Variants in CDK5R1 observed in about 807,000 individuals in gnomAD.
CDK5R1 encodes cyclin-dependent kinase 5 activator 1.
CDK5R1 carries 1 observed loss-of-function variant against 19.0 expected under a neutral mutation model. That is an observed-to-expected ratio of 0.05 (90% confidence interval 0.02 to 0.25). CDK5R1 has a LOEUF of 0.25. Ranked by LOEUF, CDK5R1 falls within the 10% of genes least tolerant of loss-of-function variation. The pLI is 1.00. For synonymous variants in CDK5R1, 225 were observed against 187.7 expected (o/e 1.20, Z -1.62); for missense variants, 314 against 401.0 (o/e 0.78, Z 1.85).
rs779189969 is a variant in CDK5R1, at chr17:32,487,868, A to G, written c.248A>G (p.Asn83Ser). 22 of 1,613,912 alleles carry G rather than the reference A, an allele frequency of 1.4e-5. No individual in the cohort carries two copies. In the Middle Eastern group the frequency reaches 6.6e-4, roughly 48 times the overall value. The change falls in exon 2 of 2, where the codon AAT (asparagine) becomes AGT (serine). Residue 83 changes from asparagine to serine, a missense_variant. Around this residue, in one of 3 missense-constraint regions of CDK5R1, gnomAD observed 197 missense variants for 230.2 expected, o/e 0.86. Coordinates refer to ENST00000313401, the MANE Select transcript of CDK5R1 (RefSeq NM_003885.3). The surrounding 1 kb of genome is among the most constrained non-coding windows in gnomAD (Gnocchi z 7.9). ...SYQNNITHLN[N>S]ENLKKSLSCA... is the part of the protein sequence containing the mutation. Reference sequence around the variant, plus strand: ...CAGAACAACATCACGCACCTCAACAATGAGAACCTGAAGAAGTCGCTGTCG... The same window carrying G: ...CAGAACAACATCACGCACCTCAACAGTGAGAACCTGAAGAAGTCGCTGTCG...
chr17:32,488,539 C>A lies in CDK5R1; in HGVS notation c.919C>A (p.Arg307=). 1 of 1,614,094 alleles carries A rather than the reference C, an allele frequency of 6.2e-7. No homozygotes were observed. Among genetic ancestry groups the A allele is most frequent in the Non-Finnish European group, 8.5e-7 (1 of 1,180,020 alleles). The change falls in exon 2 of 2, where the codon CGG becomes AGG. Residue 307 remains arginine, a synonymous_variant. Coordinates refer to ENST00000313401, the MANE Select transcript of CDK5R1 (RefSeq NM_003885.3). ...DKKRLLLGLD[R] ...GAAGCGGCTCCTCCTAGGCCTGGATCGGTGAGCACTGTAGCCTGCGTCATG... is the reference window on the plus strand; with the variant it reads ...GAAGCGGCTCCTCCTAGGCCTGGATAGGTGAGCACTGTAGCCTGCGTCATG...
rs1263987608 is a variant in CDK5R1 at position 32,490,118 on chromosome 17, A to C, written c.*1574A>C. The C allele has an allele frequency of 1.2e-5, 2 of 167,136 alleles. No individual in the cohort carries two copies. The highest frequency in any genetic ancestry group is 2.9e-5 in the Non-Finnish European group (2 of 68,138). 10.4% of individuals were successfully genotyped at this position (167,136 alleles called of 1,614,324 possible). A position where few individuals can be genotyped will look rare whatever the true frequency, so the allele number is the denominator to read the frequency against. On this transcript the variant is annotated 3_prime_UTR_variant, in exon 2 of 2. Transcript: ENST00000313401. ...TGGGGAAGAGAGCCTGCCCGGCCGG[A>C]GAACATCTGCCTTGCTGCACCTGAG...
rs1039134075 is a variant in CDK5R1, at chr17:32,488,391, T to C, written c.771T>C (p.Phe257=). 2 of 1,614,004 alleles carry C rather than the reference T, an allele frequency of 1.2e-6. No homozygotes were observed. Among genetic ancestry groups the C allele is most frequent in the Middle Eastern group, 1.6e-4 (1 of 6,062 alleles). The change falls in exon 2 of 2, where the codon TTT becomes TTC. Residue 257 remains phenylalanine, a synonymous_variant. Coordinates refer to ENST00000313401, the MANE Select transcript of CDK5R1 (RefSeq NM_003885.3). ...TGGTGGAGAGCTGCAAGGAGGCCTT[T>C]TGGGACCGTTGCCTCTCTGTCATCA... is the stretch of plus-strand genomic sequence containing the variant. ...PFLVESCKEA[F]WDRCLSVINL... is the part of the protein sequence containing the mutation.
rs908071888 is a variant in CDK5R1 at position 32,487,064 on chromosome 17, GCCGAGCGCCC to G, written c.-234_-225del. On this transcript the variant is annotated 5_prime_UTR_variant, in exon 1 of 2. Transcript: ENST00000313401. This position sits in a 1 kb window ranked among gnomAD's most constrained non-coding sequence, Gnocchi z 7.9. ...CCGAGCGCGAGCCCAGCCGATCCCC[GCCGAGCGCCC>G]CCGAGCGCCGCCGAGCGCCGGGACC... is the stretch of plus-strand genomic sequence containing the variant. 6.0e-5 allele frequency: 9 copies of G among 149,214 alleles called. No homozygotes were observed. Among genetic ancestry groups the G allele is most frequent in the South Asian group, 3.7e-4 (2 of 5,448 alleles). 9.2% of individuals were successfully genotyped at this position (149,214 alleles called of 1,614,324 possible).
In CDK5R1 at chr17:32,489,216, TTGG is replaced by T. The variant is rs780893977; in HGVS notation, c.*677_*679del. ...CCCTTGTCTGCTGCTCCCAGCCACG[TTGG>T]TGGTATTGGCCGATGAGCTGGTTTG... is the stretch of plus-strand genomic sequence containing the variant. On this transcript the variant is annotated 3_prime_UTR_variant, in exon 2 of 2. Transcript: ENST00000313401. The T allele has an allele frequency of 3.2e-4, 151 of 471,140 alleles. No homozygotes were observed. Among genetic ancestry groups the T allele is most frequent in the Admixed American group, 5.9e-4 (25 of 42,584 alleles). 29.2% of individuals were successfully genotyped at this position (471,140 alleles called of 1,614,324 possible).
At position 32,488,211 on chromosome 17, in the gene CDK5R1, G is replaced by C. The variant is rs764319776; in HGVS notation, c.591G>C (p.Thr197=). 1.9e-6 allele frequency: 3 copies of C among 1,613,756 alleles called. No individual in the cohort carries two copies. The African/African-American group carries it at 4.0e-5, about 22-fold the overall frequency. Reference sequence around the variant, plus strand: ...GCTGGCAGGACCAGGGCTTCATCACGCCGGCCAACGTGGTCTTCCTCTACA... The same window carrying C: ...GCTGGCAGGACCAGGGCTTCATCACCCCGGCCAACGTGGTCTTCCTCTACA... ...LQGWQDQGFI[T]PANVVFLYML... is the part of the protein sequence containing the mutation. The change falls in exon 2 of 2, where the codon ACG becomes ACC. Residue 197 remains threonine, a synonymous_variant. Coordinates refer to ENST00000313401, the MANE Select transcript of CDK5R1 (RefSeq NM_003885.3).
Position 32,487,206 on chromosome 17 carries a change from G to T in CDK5R1, c.-146+44G>T. ...GCCGTCCTTGGCCCTGGGGAGCGGA[G>T]ACCGGGGTCGCGCCCGTGCGGGGTG... is the stretch of plus-strand genomic sequence containing the variant. On this transcript the variant is annotated intron_variant, in intron 1 of 1. Coordinates refer to ENST00000313401, the MANE Select transcript of CDK5R1 (RefSeq NM_003885.3). This position sits in a 1 kb window ranked among gnomAD's most constrained non-coding sequence, Gnocchi z 7.9. 6.8e-6 allele frequency: 1 copy of T among 147,336 alleles called. No individual in the cohort carries two copies. The highest frequency in any genetic ancestry group is 2.0e-4 in the South Asian group (1 of 4,888). 9.1% of individuals were successfully genotyped at this position (147,336 alleles called of 1,614,324 possible).
chr17:32,489,350 C>T lies in CDK5R1; in HGVS notation c.*806C>T, dbSNP rs1908791830. 2 of 460,968 alleles carry T rather than the reference C, an allele frequency of 4.3e-6. No individual in the cohort carries two copies. Among genetic ancestry groups the T allele is most frequent in the South Asian group, 3.1e-5 (2 of 64,052 alleles). 28.6% of individuals were successfully genotyped at this position (460,968 alleles called of 1,614,324 possible). A position where few individuals can be genotyped will look rare whatever the true frequency, so the allele number is the denominator to read the frequency against. On this transcript the variant is annotated 3_prime_UTR_variant, in exon 2 of 2. Coordinates refer to ENST00000313401, the MANE Select transcript of CDK5R1 (RefSeq NM_003885.3). Reference sequence around the variant, plus strand: ...TTTTGAATAATGTAGTGCAGTCACCCTGTGGCAAATGCCAGGACAGCTGCA... The same window carrying T: ...TTTTGAATAATGTAGTGCAGTCACCTTGTGGCAAATGCCAGGACAGCTGCA...
rs943110382 is a variant in CDK5R1 at position 32,488,430 on chromosome 17, A to C, written c.810A>C (p.Ser270=). The change falls in exon 2 of 2, where the codon TCA becomes TCC. Residue 270 remains serine (S), a synonymous_variant. Coordinates refer to ENST00000313401, the MANE Select transcript of CDK5R1 (RefSeq NM_003885.3). The stretch of plus-strand genomic sequence containing the variant: ...TCTCTGTCATCAACCTCATGAGCTC[A>C]AAGATGCTGCAGATAAATGCCGACC... ...RCLSVINLMS[S]KMLQINADPH... is the part of the protein sequence containing the mutation. 5 of 1,613,972 alleles carry C rather than the reference A, an allele frequency of 3.1e-6. No homozygotes were observed. In the Admixed American group the frequency reaches 5.0e-5, roughly 16 times the overall value.
chr17:32,487,751 A>T lies in CDK5R1; in HGVS notation c.131A>T (p.His44Leu). The T allele has an allele frequency of 6.2e-7, 1 of 1,613,926 alleles. No homozygotes were observed. The highest frequency in any genetic ancestry group is 8.5e-7 in the Non-Finnish European group (1 of 1,179,958). Residue 44 changes from histidine to leucine, a missense_variant, in exon 2 of 2, where the codon CAC becomes CTC. Coordinates refer to ENST00000313401, the MANE Select transcript of CDK5R1 (RefSeq NM_003885.3). The surrounding 1 kb of genome is among the most constrained non-coding windows in gnomAD (Gnocchi z 7.9). ...KNAKDKNLKRHSIISVLPWKR... is the reference protein window; with the variant it reads ...KNAKDKNLKRLSIISVLPWKR... The stretch of plus-strand genomic sequence containing the variant: ...GCCAAGGACAAGAACCTGAAGCGCC[A>T]CTCCATCATCTCCGTGCTGCCTTGG...
In CDK5R1 at chr17:32,489,433, C is replaced by T; in HGVS notation, c.*889C>T. ...AGGTGAGGGATGCCATACCTTGAGA[C>T]CAAGCCGGTGCCCACCTAAGGGCTA... On this transcript the variant is annotated 3_prime_UTR_variant, in exon 2 of 2. Transcript: ENST00000313401. 2.5e-6 allele frequency: 1 copy of T among 394,722 alleles called. No homozygotes were observed. 24.5% of individuals were successfully genotyped at this position (394,722 alleles called of 1,614,324 possible). A position where few individuals can be genotyped will look rare whatever the true frequency, so the allele number is the denominator to read the frequency against.
In CDK5R1 at chr17:32,490,529, G is replaced by T. The variant is rs1908833972; in HGVS notation, c.*1985G>T. 1 of 167,076 alleles carries T rather than the reference G, an allele frequency of 6.0e-6. No homozygotes were observed. The highest frequency in any genetic ancestry group is 2.1e-4 in the South Asian group (1 of 4,830). The allele number at this position is 167,076 out of a possible 1,614,324, so 10.3% of individuals were successfully genotyped here. A position where few individuals can be genotyped will look rare whatever the true frequency, so the allele number is the denominator to read the frequency against. ...TGGGGACTAAGGGAAGAACTCTCTA[G>T]TTCCCTCAGTGTGAAGCCTGTCGTG... is the stretch of plus-strand genomic sequence containing the variant. On this transcript the variant is annotated 3_prime_UTR_variant, in exon 2 of 2. Coordinates refer to ENST00000313401, the MANE Select transcript of CDK5R1 (RefSeq NM_003885.3).
At position 32,487,665 on chromosome 17, in the gene CDK5R1, G is replaced by C. The variant is rs753721397; in HGVS notation, c.45G>C (p.Thr15=). The change falls in exon 2 of 2, where the codon ACG becomes ACC. Residue 15 remains threonine (T), a synonymous_variant. Coordinates refer to ENST00000313401, the MANE Select transcript of CDK5R1 (RefSeq NM_003885.3). The surrounding 1 kb of genome is among the most constrained non-coding windows in gnomAD (Gnocchi z 7.9). The stretch of plus-strand genomic sequence containing the variant: ...TGTCTCCCAGCTACCGGAAGGCCAC[G>C]CTGTTTGAGGATGGCGCGGCCACCG... ...LSLSPSYRKA[T]LFEDGAATVG... 4 of 1,613,694 alleles carry C rather than the reference G, an allele frequency of 2.5e-6. No homozygotes were observed. Among genetic ancestry groups the C allele is most frequent in the Non-Finnish European group, 2.5e-6 (3 of 1,179,942 alleles).
chr17:32,489,181 C>A lies in CDK5R1; in HGVS notation c.*637C>A. 2.1e-6 allele frequency: 1 copy of A among 471,124 alleles called. No individual in the cohort carries two copies. The allele number at this position is 471,124 out of a possible 1,614,324, so 29.2% of individuals were successfully genotyped here. ...TTCTTTAGTGGAGAAATGGAACTCG[C>A]CCCCCTACCCCCTTGTCTGCTGCTC... On this transcript the variant is annotated 3_prime_UTR_variant, in exon 2 of 2. Coordinates refer to ENST00000313401, the MANE Select transcript of CDK5R1 (RefSeq NM_003885.3).
In CDK5R1 at chr17:32,488,919, C is replaced by CTGGT; in HGVS notation, c.*379_*382dup. The CTGGT allele has an allele frequency of 1.6e-5, 6 of 376,412 alleles. No individual in the cohort carries two copies. The highest frequency in any genetic ancestry group is 1.3e-4 in the South Asian group (6 of 45,766). The allele number at this position is 376,412 out of a possible 1,614,324, so 23.3% of individuals were successfully genotyped here. The stretch of plus-strand genomic sequence containing the variant: ...CTGGCCCAGGGAGGAATTGGGGTTT[C>CTGGT]TGGTTGGAGGCCCTTTTCTGGCTCC... On this transcript the variant is annotated 3_prime_UTR_variant, in exon 2 of 2. Transcript: ENST00000313401.
rs540168804 is a variant in CDK5R1 at position 32,488,524 on chromosome 17, C to T, written c.904C>T (p.Leu302Phe). Reference protein sequence around the residue: ...ESGQEDKKRLLLGLDR With the variant: ...ESGQEDKKRLFLGLDR Reference sequence around the variant, plus strand: ...CGGCCAGGAGGACAAGAAGCGGCTCCTCCTAGGCCTGGATCGGTGAGCACT... The same window carrying T: ...CGGCCAGGAGGACAAGAAGCGGCTCTTCCTAGGCCTGGATCGGTGAGCACT... Residue 302 changes from leucine (L) to phenylalanine (F), a missense_variant, in exon 2 of 2, where the codon CTC becomes TTC. Physicochemically the swap from Leu to Phe is conservative, Grantham distance 22 (BLOSUM62 0). Transcript: ENST00000313401. 2.5e-6 allele frequency: 4 copies of T among 1,614,060 alleles called. No homozygotes were observed. Among genetic ancestry groups the T allele is most frequent in the South Asian group, 2.2e-5 (2 of 91,086 alleles).
Position 32,487,389 on chromosome 17 carries a change from G to C in CDK5R1, c.-145-87G>C. On this transcript the variant is annotated intron_variant, in intron 1 of 1. Transcript: ENST00000313401. This position sits in a 1 kb window ranked among gnomAD's most constrained non-coding sequence, Gnocchi z 7.9. ...GGGCCCGGGACTGGGGCGGCGGGGT[G>C]CGCCGAGGCGCGGGGCGGAGGGGCG... is the stretch of plus-strand genomic sequence containing the variant. 3.7e-6 allele frequency: 1 copy of C among 267,066 alleles called. No homozygotes were observed. The highest frequency in any genetic ancestry group is 6.9e-6 in the Non-Finnish European group (1 of 143,928). 16.5% of individuals were successfully genotyped at this position (267,066 alleles called of 1,614,324 possible).
At position 32,488,338 on chromosome 17, in the gene CDK5R1, G is replaced by C; in HGVS notation, c.718G>C (p.Glu240Gln). 1 of 1,614,138 alleles carries C rather than the reference G, an allele frequency of 6.2e-7. No individual in the cohort carries two copies. Among genetic ancestry groups the C allele is most frequent in the Non-Finnish European group, 8.5e-7 (1 of 1,180,016 alleles). The change falls in exon 2 of 2, where the codon GAG becomes CAG. Residue 240 changes from glutamate to glutamine, a missense_variant. Glu to Gln is a conservative substitution (Grantham distance 29). Coordinates refer to ENST00000313401, the MANE Select transcript of CDK5R1 (RefSeq NM_003885.3). ...CCTCTCCTACTCCTACATGGGCAAC[G>C]AGATCTCCTACCCGCTCAAGCCCTT... ...LYLSYSYMGN[E>Q]ISYPLKPFLV...
chr17:32,488,445 A>G lies in CDK5R1; in HGVS notation c.825A>G (p.Ile275Met). 1 of 1,614,106 alleles carries G rather than the reference A, an allele frequency of 6.2e-7. No individual in the cohort carries two copies. The highest frequency in any genetic ancestry group is 1.3e-5 in the African/African-American group (1 of 75,002). The change falls in exon 2 of 2, where the codon ATA becomes ATG. Residue 275 changes from isoleucine to methionine, a missense_variant. This residue lies in a region of CDK5R1 where 106 missense variants were observed against 132.1 expected (regional missense o/e 0.80). Transcript: ENST00000313401. ...INLMSSKMLQINADPHYFTQV... is the reference protein window; with the variant it reads ...INLMSSKMLQMNADPHYFTQV... ...TCATGAGCTCAAAGATGCTGCAGAT[A>G]AATGCCGACCCACACTACTTCACAC...
Sources: gnomAD v4.1 joint callset for allele counts on GRCh38, gnomAD v4.1.1 for gene constraint, gnomAD v4.1.1 regional missense constraint, Gnocchi (gnomAD v3.1) non-coding constraint, MANE v1.5 for transcripts, NCBI Gene and HGNC (gene_info 2026-07-23, HGNC 2026-07-21) for gene names.